Variants in UBXN10 observed in about 807,000 individuals in gnomAD.
UBXN10 encodes the protein UBX domain protein 10.
UBXN10 carries 6 observed loss-of-function variants against 6.9 expected under a neutral mutation model. That is an observed-to-expected ratio of 0.87 (90% CI 0.48 to 1.72). UBXN10 has a LOEUF of 1.72. Among genes scored for constraint, UBXN10 ranks in the 40% most tolerant of loss-of-function variants. UBXN10 has a pLI of 0.01. For synonymous variants in UBXN10, 131 were observed against 135.2 expected (o/e 0.97, Z 0.21); for missense variants, 317 against 348.4 (o/e 0.91, Z 0.72).
At position 20,187,089 on chromosome 1, in the gene UBXN10, C is replaced by A. The variant is rs2018412280; in HGVS notation, c.-16+936C>A. Among the ~76,000 whole-genome samples, 1 of 150,972 alleles carries A rather than the reference C, an allele frequency of 6.6e-6. No homozygotes were observed. Among genetic ancestry groups the A allele is most frequent in the African/African-American group, 2.4e-5 (1 of 40,970 alleles). ...TGACCCTGTGGTGGGTGGTGGGCACCCTTAGAAAGCAGGAGCCCTGCTTTA... is the reference window on the plus strand; with the variant it reads ...TGACCCTGTGGTGGGTGGTGGGCACACTTAGAAAGCAGGAGCCCTGCTTTA... On this transcript the variant is annotated intron_variant, in intron 1 of 1. Coordinates refer to ENST00000375099, the MANE Select transcript of UBXN10 (RefSeq NM_152376.5). This position sits in a 1 kb window ranked among gnomAD's most constrained non-coding sequence, Gnocchi z 4.6.
At chr1:20,184,632 A>G (rs776049817), upstream of UBXN10, 1 of 152,302 alleles carries the variant, frequency 6.6e-6, no homozygotes, top group Non-Finnish European at 1.5e-5. Flanking sequence ...CACCTTGGAG[A>G]GAATCAGAAG....
At position 20,191,839 on chromosome 1, in the gene UBXN10, AC is replaced by A. The variant is rs1379131334; in HGVS notation, c.*437del. The A allele has an allele frequency of 5.5e-6, 1 of 182,560 alleles. No homozygotes were observed. Among genetic ancestry groups the A allele is most frequent in the Non-Finnish European group, 1.3e-5 (1 of 76,750 alleles). The allele number at this position is 182,560 out of a possible 1,614,324, so 11.3% of individuals were successfully genotyped here. The stretch of plus-strand genomic sequence containing the variant: ...AGAGAGGATTCTAGTCTGGTAAATA[AC>A]CACAGTGTAGGAACTATCTAACTGG... On this transcript the variant is annotated 3_prime_UTR_variant, in exon 2 of 2. Transcript: ENST00000375099. The surrounding 1 kb of genome is among the most constrained non-coding windows in gnomAD (Gnocchi z 4.5).
rs2018481743 is a variant in UBXN10, at chr1:20,190,805, G to A, written c.244G>A (p.Ala82Thr). 6.2e-7 allele frequency: 1 copy of A among 1,613,844 alleles called. No individual in the cohort carries two copies. The change falls in exon 2 of 2, where the codon GCC becomes ACC. Residue 82 changes from alanine (A) to threonine (T), a missense_variant. Coordinates refer to ENST00000375099, the MANE Select transcript of UBXN10 (RefSeq NM_152376.5). The part of the protein sequence containing the change: ...YELPSSQKPG[A>T]CAPKSPNQGA... ...GTTGCCAAGCAGCCAAAAACCAGGAGCCTGTGCACCCAAATCTCCAAACCA... is the reference window on the plus strand; with the variant it reads ...GTTGCCAAGCAGCCAAAAACCAGGAACCTGTGCACCCAAATCTCCAAACCA...
chr1:20,185,930 C>T (rs989697824), upstream of UBXN10, among the ~76,000 whole-genome samples: 9 of 152,324 alleles, frequency 5.9e-5, no homozygotes, highest in Admixed American at 2.6e-4. Flanking sequence ...CCAGGCCAGG[C>T]AATCCACTCC....
In UBXN10 at chr1:20,192,821, C is replaced by T. The variant is rs1315236843; in HGVS notation, c.*1417C>T. 6.0e-6 allele frequency: 1 copy of T among 167,054 alleles called. No homozygotes were observed. Among genetic ancestry groups the T allele is most frequent in the African/African-American group, 2.4e-5 (1 of 41,432 alleles). The allele number at this position is 167,054 out of a possible 1,614,324, so 10.3% of individuals were successfully genotyped here. ...CAAGCGCATCCTGTGCTCAGATAAGCTGCATGGTTGGGAGTGTTTTTTCTC... is the reference window on the plus strand; with the variant it reads ...CAAGCGCATCCTGTGCTCAGATAAGTTGCATGGTTGGGAGTGTTTTTTCTC... On this transcript the variant is annotated 3_prime_UTR_variant, in exon 2 of 2. Transcript: ENST00000375099.
Position 20,194,556 on chromosome 1 carries a change from A to C in UBXN10, c.*3152A>C, listed in dbSNP as rs181962374. ...CAGCCTTGGGGCATTCATTCCAATTAATAACCTTAAAGACTAGAGCCAGAT... is the reference window on the plus strand; with the variant it reads ...CAGCCTTGGGGCATTCATTCCAATTCATAACCTTAAAGACTAGAGCCAGAT... On this transcript the variant is annotated 3_prime_UTR_variant, in exon 2 of 2. Coordinates refer to ENST00000375099, the MANE Select transcript of UBXN10 (RefSeq NM_152376.5). 6.0e-6 allele frequency: 1 copy of C among 167,182 alleles called. No homozygotes were observed. The highest frequency in any genetic ancestry group is 1.5e-5 in the Non-Finnish European group (1 of 68,118). The allele number at this position is 167,182 out of a possible 1,614,324, so 10.4% of individuals were successfully genotyped here. A position where few individuals can be genotyped will look rare whatever the true frequency, so the allele number is the denominator to read the frequency against.
At chr1:20,186,960 AATGT>A (rs1278557624) in intron 1 of UBXN10, among the ~76,000 whole-genome samples, 1 of 152,218 alleles carries the variant, frequency 6.6e-6, no homozygotes, top group Non-Finnish European at 1.5e-5. Context: ...GACCAATTCA[AATGT>A]ATGTATCTTG....
rs1021375935 is a variant in UBXN10 at position 20,195,082 on chromosome 1, T to G, written c.*3678T>G. ...ACACACAACACTCATAAAACTAAAA[T>G]TAGGTGTTTTATTTTTTGTCTACAC... is the stretch of plus-strand genomic sequence containing the variant. On this transcript the variant is annotated 3_prime_UTR_variant, in exon 2 of 2. Transcript: ENST00000375099. 3 of 167,024 alleles carry G rather than the reference T, an allele frequency of 1.8e-5. No homozygotes were observed. The South Asian group carries it at 6.2e-4, about 35-fold the overall frequency. The allele number at this position is 167,024 out of a possible 1,614,324, so 10.3% of individuals were successfully genotyped here.
At chr1:20,184,483 A>T (rs557480959), upstream of UBXN10, 4 of 152,352 alleles carry the variant, frequency 2.6e-5, no homozygotes, top group African/African-American at 9.6e-5. Flanking sequence ...AGAGTGTGTG[A>T]GGGGGCAACC....
upstream of UBXN10, chr1:20,184,197 GCACACACACACACA>G (rs5772887): frequency 1.3e-5 from 2 of 149,618 alleles, no homozygotes; most frequent in Non-Finnish European, 3.0e-5. Context: ...GTGCGCACAC[GCACACACACACACA>G]CACACACACA....
At chr1:20,186,379 C>G (rs960835528) in intron 1 of UBXN10, 1 of 152,318 alleles carries the variant, frequency 6.6e-6, no homozygotes, top group Non-Finnish European at 1.5e-5. Context: ...AATAGGGTGA[C>G]TCCCGGGCTC....
At chr1:20,189,997 A>G (rs768736689) in intron 1 of UBXN10, among the ~76,000 whole-genome samples, 1 of 152,262 alleles carries the variant, frequency 6.6e-6, no homozygotes, top group South Asian at 2.1e-4. Flanking sequence ...ATGATGGCCC[A>G]CAGCCCAAAT....
In UBXN10 at chr1:20,187,720, C is replaced by T; in HGVS notation, c.-16+1567C>T. Among the ~76,000 whole-genome samples the T allele has an allele frequency of 6.6e-6, 1 of 152,212 alleles. No individual in the cohort carries two copies. The highest frequency in any genetic ancestry group is 1.9e-4 in the East Asian group (1 of 5,200). On this transcript the variant is annotated intron_variant, in intron 1 of 1. Transcript: ENST00000375099. This position sits in a 1 kb window ranked among gnomAD's most constrained non-coding sequence, Gnocchi z 4.6. ...CTGAGATAGCTCACAGTCATGTTAT[C>T]TTATGACCAGGGTGTCTTGAATATG...
In UBXN10 at chr1:20,190,832, G is replaced by A; in HGVS notation, c.271G>A (p.Gly91Arg). ...GACAPKSPNQ[G>R]ASDEIPELQQ... Reference sequence around the variant, plus strand: ...CTGTGCACCCAAATCTCCAAACCAGGGAGCTTCTGATGAGATCCCTGAGCT... The same window carrying A: ...CTGTGCACCCAAATCTCCAAACCAGAGAGCTTCTGATGAGATCCCTGAGCT... Residue 91 changes from glycine (G) to arginine (R), a missense_variant, in exon 2 of 2, where the codon GGA becomes AGA. Transcript: ENST00000375099. The A allele has an allele frequency of 6.2e-7, 1 of 1,613,886 alleles. No individual in the cohort carries two copies. Among genetic ancestry groups the A allele is most frequent in the Non-Finnish European group, 8.5e-7 (1 of 1,180,014 alleles).
At position 20,194,270 on chromosome 1, in the gene UBXN10, AG is replaced by A. The variant is rs1403679275; in HGVS notation, c.*2867del. On this transcript the variant is annotated 3_prime_UTR_variant, in exon 2 of 2. Transcript: ENST00000375099. ...GTTACTCTAGTATATTCCCTCATAA[AG>A]TCCAATAGGTAAATTAGTCTTGGCA... 13 of 167,150 alleles carry A rather than the reference AG, an allele frequency of 7.8e-5. No homozygotes were observed. Among genetic ancestry groups the A allele is most frequent in the African/African-American group, 3.1e-4 (13 of 41,470 alleles). 10.4% of individuals were successfully genotyped at this position (167,150 alleles called of 1,614,324 possible). A position where few individuals can be genotyped will look rare whatever the true frequency, so the allele number is the denominator to read the frequency against.
At position 20,191,232 on chromosome 1, in the gene UBXN10, T is replaced by C. The variant is rs771428159; in HGVS notation, c.671T>C (p.Ile224Thr). The change falls in exon 2 of 2, where the codon ATT (isoleucine) becomes ACT (threonine). Residue 224 changes from isoleucine (I) to threonine (T), a missense_variant. Ile to Thr is a moderately conservative substitution (Grantham distance 89). Coordinates refer to ENST00000375099, the MANE Select transcript of UBXN10 (RefSeq NM_152376.5). This position sits in a 1 kb window ranked among gnomAD's most constrained non-coding sequence, Gnocchi z 4.5. ...HFRPTDDLQT[I>T]VAVAEQKNKT... is the part of the protein sequence containing the mutation. ...CGGCCAACAGATGATTTGCAAACCA[T>C]TGTTGCTGTGGCCGAACAGAAAAAC... 6.8e-6 allele frequency: 11 copies of C among 1,614,050 alleles called. No homozygotes were observed. The highest frequency in any genetic ancestry group is 9.3e-6 in the Non-Finnish European group (11 of 1,180,046).
chr1:20,191,726 G>A lies in UBXN10; in HGVS notation c.*322G>A, dbSNP rs1422476176. 6 of 293,640 alleles carry A rather than the reference G, an allele frequency of 2.0e-5. No individual in the cohort carries two copies. Among genetic ancestry groups the A allele is most frequent in the African/African-American group, 1.1e-4 (5 of 46,108 alleles). 18.2% of individuals were successfully genotyped at this position (293,640 alleles called of 1,614,324 possible). A position where few individuals can be genotyped will look rare whatever the true frequency, so the allele number is the denominator to read the frequency against. On this transcript the variant is annotated 3_prime_UTR_variant, in exon 2 of 2. Coordinates refer to ENST00000375099, the MANE Select transcript of UBXN10 (RefSeq NM_152376.5). This position sits in a 1 kb window ranked among gnomAD's most constrained non-coding sequence, Gnocchi z 4.5. ...TCCTTCTGAATTAATGGTCCTTTTC[G>A]AACACCGGCTTGCCTTTACAGTGAA...
Position 20,192,548 on chromosome 1 carries a change from A to T in UBXN10, c.*1144A>T, listed in dbSNP as rs1342156176. Reference sequence around the variant, plus strand: ...TTGTGTTTCCAACTTCGAAGTGCTGATGTGGACAGTTTGCCAATGTTCTCT... The same window carrying T: ...TTGTGTTTCCAACTTCGAAGTGCTGTTGTGGACAGTTTGCCAATGTTCTCT... On this transcript the variant is annotated 3_prime_UTR_variant, in exon 2 of 2. Transcript: ENST00000375099. 1.2e-5 allele frequency: 2 copies of T among 167,112 alleles called. No individual in the cohort carries two copies. Among genetic ancestry groups the T allele is most frequent in the Non-Finnish European group, 2.9e-5 (2 of 68,164 alleles). The allele number at this position is 167,112 out of a possible 1,614,324, so 10.4% of individuals were successfully genotyped here.
At chr1:20,189,917 C>T (rs1460638858) in intron 1 of UBXN10, among the ~76,000 whole-genome samples, 1 of 152,148 alleles carries the variant, frequency 6.6e-6, no homozygotes, top group Non-Finnish European at 1.5e-5. Context: ...GGAAATCACT[C>T]TACCTTTCTG....
Sources: allele counts gnomAD v4.1 joint callset (sites outside exome capture counted in the v4.1 genomes callset), GRCh38; gene constraint gnomAD v4.1.1; non-coding constraint Gnocchi (gnomAD v3.1); transcripts MANE v1.5; gene names NCBI Gene and HGNC (gene_info 2026-07-23, HGNC 2026-07-21).